Variants in PHF14 observed in about 807,000 individuals in gnomAD.
PHF14 encodes PHD finger protein 14.
In PHF14, 55 loss-of-function variants were observed where a neutral mutation model predicts 117.9. That is an observed-to-expected ratio of 0.47 (90% confidence interval 0.38 to 0.58). The LOEUF (loss-of-function observed/expected upper bound fraction) is 0.58. PHF14 is among the 20% of genes least tolerant of loss of function. The pLI is 0.00. For missense variants in PHF14, 978 were observed against 1,122.2 expected (o/e 0.87, Z 1.84); for synonymous variants, 409 against 368.6 (o/e 1.11, Z -1.26).
chr7:11,093,089 T>G (rs1259889949), intron 16 of PHF14, among the ~76,000 whole-genome samples: 2 of 152,228 alleles, frequency 1.3e-5, no homozygotes, highest in Admixed American at 1.3e-4. Flanking sequence ...ACTTCTAATT[T>G]CCCTTAGGAC....
intron 16 of PHF14, chr7:11,102,844 G>C: frequency 8.3e-7 from 1 of 1,200,512 alleles, no homozygotes; most frequent in Non-Finnish European, 1.0e-6. Context: ...CAGAATTGTC[G>C]TATTAAGTAA....
chr7:11,072,611 T>C (rs775630714), intron 16 of PHF14, among the ~76,000 whole-genome samples: 6 of 152,146 alleles, frequency 3.9e-5, no homozygotes, highest in Non-Finnish European at 7.3e-5. Flanking sequence ...GGACAAAAAA[T>C]GGTAAAGGCT....
At chr7:11,115,933 G>T (rs1243463673) in intron 17 of PHF14, among the ~76,000 whole-genome samples, 1 of 151,906 alleles carries the variant, frequency 6.6e-6, no homozygotes, top group African/African-American at 2.4e-5. Flanking sequence ...GTGATGCTGT[G>T]TGCATTCTAC....
intron 16 of PHF14, among the ~76,000 whole-genome samples, chr7:11,085,229 C>T (rs997994313): frequency 6.6e-6 from 1 of 152,084 alleles, no homozygotes; most frequent in African/African-American, 2.4e-5. Flanking sequence ...GATACTGTGT[C>T]ATCTATAAAT....
At chr7:11,017,265 C>T (rs6968691) in intron 5 of PHF14, among the ~76,000 whole-genome samples, 3,171 of 152,014 alleles carry the variant, frequency 0.021, 123 homozygotes, top group African/African-American at 0.073. Flanking sequence ...GATGTATACC[C>T]AACAGTGCAG....
At chr7:11,059,078 G>C (rs1785116223) in intron 14 of PHF14, among the ~76,000 whole-genome samples, 3 of 152,072 alleles carry the variant, frequency 2.0e-5, no homozygotes, top group African/African-American at 7.2e-5. Context: ...TAATATATGA[G>C]AAGAAATTTA....
chr7:11,031,866 G>T (rs972494230), intron 7 of PHF14, among the ~76,000 whole-genome samples: 4 of 152,134 alleles, frequency 2.6e-5, no homozygotes, highest in Non-Finnish European at 5.9e-5. Context: ...GTTACTTATA[G>T]TCCAAGTAAG....
chr7:11,023,203 T>C (rs1175559296), intron 6 of PHF14, among the ~76,000 whole-genome samples: 1 of 152,172 alleles, frequency 6.6e-6, no homozygotes, highest in African/African-American at 2.4e-5. Context: ...AAAATGATAA[T>C]TGGTACTACT....
At chr7:11,144,633 G>A (rs544002626) in intron 17 of PHF14, among the ~76,000 whole-genome samples, 2 of 149,236 alleles carry the variant, frequency 1.3e-5, no homozygotes, top group Non-Finnish European at 3.0e-5. Flanking sequence ...ATTTACTAAT[G>A]TTCCTAACGT....
intron 5 of PHF14, 63 bp from the exon 6 acceptor site, chr7:11,022,801 ATGTT>A: frequency 1.2e-6 from 1 of 809,638 alleles, no homozygotes; most frequent in Non-Finnish European, 1.9e-6. Flanking sequence ...AGCGTTTTAT[ATGTT>A]TGTTTTGTGT....
At chr7:11,112,613 T>C (rs985133304) in intron 17 of PHF14, among the ~76,000 whole-genome samples, 1 of 151,870 alleles carries the variant, frequency 6.6e-6, no homozygotes, top group Non-Finnish European at 1.5e-5. Context: ...CTACTAAAGA[T>C]ACAAAAAATT....
intron 14 of PHF14, among the ~76,000 whole-genome samples, chr7:11,055,198 A>G (rs1011853240): frequency 4.6e-5 from 7 of 152,208 alleles, no homozygotes; most frequent in African/African-American, 1.4e-4. Context: ...CAAGGAAATT[A>G]ATTTTGAAGA....
Position 11,037,081 on chromosome 7 carries a change from A to G in PHF14, c.1970A>G (p.Glu657Gly). 1 of 1,495,886 alleles carries G rather than the reference A, an allele frequency of 6.7e-7. No individual in the cohort carries two copies. The highest frequency in any genetic ancestry group is 9.1e-7 in the Non-Finnish European group (1 of 1,100,540). 92.7% of individuals were successfully genotyped at this position (1,495,886 alleles called of 1,614,324 possible). A position where few individuals can be genotyped will look rare whatever the true frequency, so the allele number is the denominator to read the frequency against. Reference sequence around the variant, plus strand: ...AATGAACAAGAAAAGCTTCATGTAGAATATAATAAGGTAAGTTAGCTACAA... The same window carrying G: ...AATGAACAAGAAAAGCTTCATGTAGGATATAATAAGGTAAGTTAGCTACAA... ...LENEQEKLHV[E>G]YNKLCESLEE... is the part of the protein sequence containing the mutation. The change falls in exon 10 of 18, where the codon GAA becomes GGA. Residue 657 changes from glutamate (E) to glycine (G), a missense_variant. This residue lies in a region of PHF14 where 237 missense variants were observed against 276.4 expected (regional missense o/e 0.86). Coordinates refer to ENST00000634607, the MANE Select transcript of PHF14 (RefSeq NM_001007157.2).
rs374530838 is a variant in PHF14 at position 11,013,932 on chromosome 7, A to G, written c.1205+26A>G. 25 of 1,529,236 alleles carry G rather than the reference A, an allele frequency of 1.6e-5. No homozygotes were observed. In the African/African-American group the frequency reaches 3.3e-4, roughly 20 times the overall value. 94.7% of individuals were successfully genotyped at this position (1,529,236 alleles called of 1,614,324 possible). On this transcript the variant is annotated intron_variant, in intron 5 of 17. Transcript: ENST00000634607. ...GTTAATGTCCTAATTATGTTGGTTC[A>G]TATGTTTGCTTTATAATGTGTCTGC... is the stretch of plus-strand genomic sequence containing the variant.
chr7:11,014,853 G>A (rs1433187759), intron 5 of PHF14: 1 of 151,086 alleles, frequency 6.6e-6, no homozygotes, highest in East Asian at 1.9e-4. Flanking sequence ...ACACATTTGA[G>A]CACTTGTCAT....
At chr7:11,103,634 A>G in intron 16 of PHF14, 2 of 985,188 alleles carry the variant, frequency 2.0e-6, no homozygotes, top group Non-Finnish European at 2.4e-6. Context: ...TTTCTGATTA[A>G]TAAATGTGGT....
At chr7:11,111,181 T>C in intron 16 of PHF14, 169 bp from the exon 17 acceptor site, 2 of 481,530 alleles carry the variant, frequency 4.2e-6, no homozygotes, top group African/African-American at 2.0e-5. Context: ...TTATTTCAGG[T>C]TTAGTTTGCC....
chr7:11,002,222 G>C (rs1562412815), intron 4 of PHF14, among the ~76,000 whole-genome samples: 1 of 151,920 alleles, frequency 6.6e-6, no homozygotes, highest in African/African-American at 2.4e-5. Context: ...CAGGAGATGG[G>C]AAGGATCATC....
At chr7:11,005,103 T>G (rs1445013677) in intron 4 of PHF14, among the ~76,000 whole-genome samples, 2 of 152,142 alleles carry the variant, frequency 1.3e-5, no homozygotes, top group African/African-American at 4.8e-5. Flanking sequence ...TTTAAAGGTT[T>G]TTTTTTTCTA....
Sources: gnomAD v4.1 joint callset for allele counts (sites outside exome capture counted in the v4.1 genomes callset) on GRCh38, gnomAD v4.1.1 for gene constraint, gnomAD v4.1.1 regional missense constraint, MANE v1.5 for transcripts, NCBI Gene and HGNC (gene_info 2026-07-23, HGNC 2026-07-21) for gene names.